The following PCLO variants were observed in gnomAD, a reference collection of about 807,000 sequenced individuals.
PCLO encodes the protein piccolo presynaptic cytomatrix protein.
In PCLO, 82 loss-of-function variants were observed where a neutral mutation model predicts 427.5. That is an observed-to-expected ratio of 0.19 (90% CI 0.16 to 0.23). The LOEUF is 0.23. PCLO is among the 10% of genes least tolerant of loss of function. The pLI is 1.00. For missense variants in PCLO, 6,239 were observed against 6,115.9 expected (o/e 1.02, Z -0.67); for synonymous variants, 2,357 against 2,155.4 (o/e 1.09, Z -2.59).
intron 7 of PCLO, among the ~76,000 whole-genome samples, chr7:82,913,632 C>T (rs1794376464): frequency 1.3e-5 from 2 of 151,894 alleles, no homozygotes; most frequent in Non-Finnish European, 1.5e-5. Context: ...TATCATTCCT[C>T]CCTCATCTTC....
intron 20 of PCLO, among the ~76,000 whole-genome samples, chr7:82,818,848 A>T (rs1216060388): frequency 6.6e-6 from 1 of 152,180 alleles, no homozygotes; most frequent in Admixed American, 6.5e-5. Context: ...CAACATGAAG[A>T]ACTATTCAAA....
intron 3 of PCLO, among the ~76,000 whole-genome samples, chr7:82,997,451 T>C (rs759090746): frequency 6.6e-5 from 10 of 152,034 alleles, no homozygotes; most frequent in Admixed American, 1.3e-4. Flanking sequence ...GTCTTTCTTG[T>C]TATGTTTGCC....
Position 83,082,985 on chromosome 7 carries a change from G to T in PCLO, c.3300+51265C>A, listed in dbSNP as rs184412969. Among the ~76,000 whole-genome samples, 1,193 of 151,770 alleles carry T rather than the reference G, an allele frequency of 7.9e-3. 5 individuals carry two copies. Among genetic ancestry groups the T allele is most frequent in the Admixed American group, 0.012 (179 of 15,224 alleles). Reference sequence around the variant, plus strand: ...TGTCAAAAAGATTGATGCATTTTGTGTATGATAAAGAATTCTCATAAATCA... The same window carrying T: ...TGTCAAAAAGATTGATGCATTTTGTTTATGATAAAGAATTCTCATAAATCA... On this transcript the variant is annotated intron_variant, in intron 3 of 24. Coordinates refer to ENST00000333891, the MANE Select transcript of PCLO (RefSeq NM_033026.6).
chr7:82,998,434 A>AACT (rs1293685005), intron 3 of PCLO, among the ~76,000 whole-genome samples: 3 of 132,678 alleles, frequency 2.3e-5, no homozygotes, highest in Non-Finnish European at 4.8e-5. Flanking sequence ...CAACAACAAC[A>AACT]ACTATTAATC....
chr7:83,128,217 G>T (rs1768938885), intron 3 of PCLO, among the ~76,000 whole-genome samples: 1 of 151,934 alleles, frequency 6.6e-6, no homozygotes, highest in Non-Finnish European at 1.5e-5. Flanking sequence ...GACCGGGGAT[G>T]TAAAACGAAA....
chr7:82,758,813 T>C (rs1790371616), intron 24 of PCLO, 98 bp from the exon 25 acceptor site: 4 of 701,244 alleles, frequency 5.7e-6, no homozygotes, highest in Non-Finnish European at 7.0e-6. Context: ...ATCAAAGACA[T>C]AGCACGAAAG....
chr7:82,769,835 T>C (rs980453847), intron 22 of PCLO, among the ~76,000 whole-genome samples: 2 of 152,038 alleles, frequency 1.3e-5, no homozygotes, highest in African/African-American at 4.8e-5. Context: ...GTCTATCACC[T>C]CATAATTTGT....
At chr7:82,851,760 G>T (rs904649494) in intron 10 of PCLO, among the ~76,000 whole-genome samples, 6 of 152,036 alleles carry the variant, frequency 3.9e-5, no homozygotes, top group African/African-American at 1.2e-4. Context: ...TCTATAAAGC[G>T]CTAGCAGCAG....
intron 10 of PCLO, among the ~76,000 whole-genome samples, chr7:82,866,255 C>T (rs1402178195): frequency 6.6e-6 from 1 of 152,096 alleles, no homozygotes; most frequent in Non-Finnish European, 1.5e-5. Flanking sequence ...ATTGCAACCA[C>T]ATCCTCCTAC....
At chr7:83,121,586 T>C (rs1227686352) in intron 3 of PCLO, among the ~76,000 whole-genome samples, 1 of 152,062 alleles carries the variant, frequency 6.6e-6, no homozygotes, top group Non-Finnish European at 1.5e-5. Flanking sequence ...AGTGGCTGAA[T>C]GGATTAAAAA....
chr7:82,801,517 C>T lies in PCLO; in HGVS notation c.15007+1G>A. 1 of 1,533,252 alleles carries T rather than the reference C, an allele frequency of 6.5e-7. No homozygotes were observed. Among genetic ancestry groups the T allele is most frequent in the Non-Finnish European group, 9.0e-7 (1 of 1,106,752 alleles). 95.0% of individuals were successfully genotyped at this position (1,533,252 alleles called of 1,614,324 possible). On this transcript the variant is annotated splice_donor_variant, in intron 22 of 24. Coordinates refer to ENST00000333891, the MANE Select transcript of PCLO (RefSeq NM_033026.6). LOFTEE classifies it high-confidence loss of function. Reference sequence around the variant, plus strand: ...ATCCAATATTGTAAATTTTTACTTACCTTCAGTGTCTGCTAGTCCTACTCC... The same window carrying T: ...ATCCAATATTGTAAATTTTTACTTATCTTCAGTGTCTGCTAGTCCTACTCC...
At position 82,950,979 on chromosome 7, in the gene PCLO, A is replaced by C. The variant is rs1937007247; in HGVS notation, c.9609T>G (p.Ile3203Met). 1 of 1,613,742 alleles carries C rather than the reference A, an allele frequency of 6.2e-7. No homozygotes were observed. The highest frequency in any genetic ancestry group is 1.3e-5 in the African/African-American group (1 of 75,050). The change falls in exon 6 of 25, where the codon ATT becomes ATG. Residue 3203 changes from isoleucine to methionine, a missense_variant. Physicochemically the swap from Ile to Met is conservative, Grantham distance 10. Transcript: ENST00000333891. ...EVVGDESALLIVPEEDKQQQQ... is the reference protein window; with the variant it reads ...EVVGDESALLMVPEEDKQQQQ... ...GCTGTTGTTTATCTTCTTCAGGGAC[A>C]ATTAAAAGAGCACTTTCATCTCCCA...
chr7:82,796,088 GAAGA>G (rs1791217557), intron 22 of PCLO, among the ~76,000 whole-genome samples: 1 of 152,140 alleles, frequency 6.6e-6, no homozygotes, highest in Admixed American at 6.6e-5. Context: ...GTGCTAAGAC[GAAGA>G]AATACCCAAG....
At chr7:83,089,548 T>C (rs1790325554) in intron 3 of PCLO, among the ~76,000 whole-genome samples, 3 of 152,154 alleles carry the variant, frequency 2.0e-5, no homozygotes, top group Admixed American at 6.5e-5. Context: ...CACACTGCTG[T>C]AGGTAATGCT....
intron 10 of PCLO, among the ~76,000 whole-genome samples, chr7:82,874,464 G>A (rs867578264): frequency 1.3e-5 from 2 of 152,116 alleles, no homozygotes; most frequent in African/African-American, 2.4e-5. Context: ...GTTTCCCTTC[G>A]TCATGAGATC....
intron 9 of PCLO, among the ~76,000 whole-genome samples, chr7:82,890,334 A>C (rs2116113684): frequency 6.6e-6 from 1 of 152,164 alleles, no homozygotes; most frequent in East Asian, 1.9e-4. Context: ...GAAACATTTT[A>C]ATTTTCAATA....
At chr7:82,789,335 ATTAGAATAACCTAATTGAATTAGAG>A (rs1280146020) in intron 22 of PCLO, among the ~76,000 whole-genome samples, 1 of 152,246 alleles carries the variant, frequency 6.6e-6, no homozygotes, top group African/African-American at 2.4e-5. Flanking sequence ...AGAAGCATCA[ATTAGAATAACCTAATTGAATTAGAG>A]TCTTCCATAT....
chr7:82,956,656 C>T lies in PCLO; in HGVS notation c.4297G>A (p.Glu1433Lys), dbSNP rs868651663. ...ACTTCATGGGGTTGTGTTTTCTTTTCTGACTTTTCATCAGCAAGTGTACTT... is the reference window on the plus strand; with the variant it reads ...ACTTCATGGGGTTGTGTTTTCTTTTTTGACTTTTCATCAGCAAGTGTACTT... ...QASTLADEKS[E>K]KKTQPHEVSP... Residue 1433 changes from glutamate (E) to lysine (K), a missense_variant, in exon 5 of 25, where the codon GAA (glutamate) becomes AAA (lysine). Physicochemically the swap from Glu to Lys is moderately conservative, Grantham distance 56. Transcript: ENST00000333891. The T allele has an allele frequency of 1.2e-6, 2 of 1,613,678 alleles. No homozygotes were observed. The highest frequency in any genetic ancestry group is 2.7e-5 in the African/African-American group (2 of 74,868).
chr7:83,137,388 T>C (rs1421786697), intron 2 of PCLO, among the ~76,000 whole-genome samples: 6 of 152,220 alleles, frequency 3.9e-5, no homozygotes, highest in Non-Finnish European at 8.8e-5. Context: ...AAAATTATGA[T>C]ATTGTTAAAC....
Sources: gnomAD v4.1 joint callset for allele counts (sites outside exome capture counted in the v4.1 genomes callset) on GRCh38, gnomAD v4.1.1 for gene constraint, MANE v1.5 for transcripts, NCBI Gene and HGNC (gene_info 2026-07-23, HGNC 2026-07-21) for gene names.